The following CAMK1D variants were observed in gnomAD, a reference collection of about 807,000 sequenced individuals.
CAMK1D encodes calcium/calmodulin-dependent protein kinase type 1D.
Under a neutral mutation model 47.7 loss-of-function variants are expected in CAMK1D, and 9 were observed. That is an observed-to-expected ratio of 0.19 (90% CI 0.11 to 0.33). The LOEUF (loss-of-function observed/expected upper bound fraction) is 0.33, where lower values mean the gene tolerates loss of function less well. Among genes scored for constraint, CAMK1D ranks in the 10% least tolerant of loss-of-function variants. CAMK1D has a pLI of 1.00. For synonymous variants in CAMK1D, 184 were observed against 184.9 expected, an observed-to-expected ratio of 0.99 and a Z score of 0.04; for missense variants, 291 against 488.7, an observed-to-expected ratio of 0.60 and a Z score of 3.81.
At chr10:12,500,933 A>G (rs991249956) in intron 1 of CAMK1D, among the ~76,000 whole-genome samples, 3 of 152,202 alleles carry the variant, frequency 2.0e-5, no homozygotes, top group Non-Finnish European at 2.9e-5. Flanking sequence ...CAGCCTCACA[A>G]TCACCTCCTG....
At chr10:12,593,723 TC>T (rs1202334326) in intron 2 of CAMK1D, among the ~76,000 whole-genome samples, 5 of 152,096 alleles carry the variant, frequency 3.3e-5, no homozygotes, top group Non-Finnish European at 1.5e-5. Flanking sequence ...CAAAATACCA[TC>T]CCCCGTGGCC....
At chr10:12,699,008 A>C (rs1007915575) in intron 3 of CAMK1D, among the ~76,000 whole-genome samples, 2 of 151,984 alleles carry the variant, frequency 1.3e-5, no homozygotes, top group Non-Finnish European at 2.9e-5. Flanking sequence ...AGTAAAAAGA[A>C]ATCAGAAGGA....
rs559156496 is a variant in CAMK1D, at chr10:12,816,231, G to A, written c.755-19G>A. 30 of 1,610,270 alleles carry A rather than the reference G, an allele frequency of 1.9e-5. No homozygotes were observed. In the African/African-American group the frequency reaches 3.2e-4, roughly 17 times the overall value. On this transcript the variant is annotated intron_variant, in intron 7 of 10. Coordinates refer to ENST00000619168, the MANE Select transcript of CAMK1D (RefSeq NM_153498.4). ...AAGTCGCAAAGTGATTCCTTCCCTT[G>A]TGCCTTCTTTTTGAACAGCAAAAGA...
chr10:12,798,145 G>A (rs879699103), intron 6 of CAMK1D, among the ~76,000 whole-genome samples: 7 of 152,212 alleles, frequency 4.6e-5, no homozygotes, highest in Admixed American at 3.9e-4. Context: ...CCTGAATGGC[G>A]TGGCTTCAGG....
rs143260005 is a variant in CAMK1D, at chr10:12,528,413, A to G, written c.93-24812A>G. 3.9e-5 allele frequency among the ~76,000 whole-genome samples: 6 copies of G among 152,384 alleles called. 1 individual carries two copies. In the East Asian group the frequency reaches 1.2e-3, roughly 29 times the overall value. Reference sequence around the variant, plus strand: ...ATTATATTCATTCTGCATGTAGGAAATCTGAGAAAAGCCAGGTGACTTGCA... The same window carrying G: ...ATTATATTCATTCTGCATGTAGGAAGTCTGAGAAAAGCCAGGTGACTTGCA... On this transcript the variant is annotated intron_variant, in intron 1 of 10. Coordinates refer to ENST00000619168, the MANE Select transcript of CAMK1D (RefSeq NM_153498.4).
chr10:12,608,399 C>T (rs374429916), intron 2 of CAMK1D, among the ~76,000 whole-genome samples: 1 of 152,182 alleles, frequency 6.6e-6, no homozygotes, highest in South Asian at 2.1e-4. Flanking sequence ...GCCTGGGCAA[C>T]AAGAGTGAAA....
chr10:12,626,475 C>CTTTTTT (rs35033817), intron 2 of CAMK1D, among the ~76,000 whole-genome samples: 4 of 136,294 alleles, frequency 2.9e-5, no homozygotes, highest in Non-Finnish European at 6.3e-5. Context: ...TTCTTTCTTT[C>CTTTTTT]TTTTTTTTTT....
intron 3 of CAMK1D, among the ~76,000 whole-genome samples, chr10:12,722,992 G>A (rs1167693011): frequency 6.6e-6 from 1 of 152,156 alleles, no homozygotes; most frequent in Non-Finnish European, 1.5e-5. Flanking sequence ...GAATTTGAGT[G>A]TAGATGGGAA....
chr10:12,508,402 A>C (rs1302707790), intron 1 of CAMK1D, among the ~76,000 whole-genome samples: 1 of 152,232 alleles, frequency 6.6e-6, no homozygotes, highest in Non-Finnish European at 1.5e-5. Context: ...CCAGACACAA[A>C]AGGACAAATG....
In CAMK1D at chr10:12,659,166, G is replaced by C. The variant is rs143198649; in HGVS notation, c.225-7570G>C. ...AGCCAGTCCCCCTGTCGCACACCCT[G>C]CAAGTGGGATAAGGGAACTTTTCCC... On this transcript the variant is annotated intron_variant, in intron 2 of 10. Coordinates refer to ENST00000619168, the MANE Select transcript of CAMK1D (RefSeq NM_153498.4). 1.5e-3 allele frequency among the ~76,000 whole-genome samples: 235 copies of C among 152,316 alleles called. 1 individual carries two copies. The highest frequency in any genetic ancestry group is 5.4e-3 in the African/African-American group (224 of 41,556).
intron 9 of CAMK1D, 116 bp from the exon 10 acceptor site, chr10:12,825,457 G>A: frequency 1.0e-6 from 1 of 961,368 alleles, no homozygotes; most frequent in Non-Finnish European, 1.5e-6. Flanking sequence ...AGTAGCATGA[G>A]AATGATGTAA....
chr10:12,444,827 T>C (rs1040603937), intron 1 of CAMK1D, among the ~76,000 whole-genome samples: 6 of 152,122 alleles, frequency 3.9e-5, no homozygotes, highest in Non-Finnish European at 2.9e-5. Flanking sequence ...AGGTTTTTAT[T>C]ATGCAGATGA....
At chr10:12,480,722 C>G (rs1345074731) in intron 1 of CAMK1D, among the ~76,000 whole-genome samples, 1 of 152,166 alleles carries the variant, frequency 6.6e-6, no homozygotes, top group Non-Finnish European at 1.5e-5. Context: ...ACTAGGATCC[C>G]CACTTAGGCT....
At chr10:12,546,996 A>G (rs1836398991) in intron 1 of CAMK1D, among the ~76,000 whole-genome samples, 1 of 152,224 alleles carries the variant, frequency 6.6e-6, no homozygotes, top group Non-Finnish European at 1.5e-5. Flanking sequence ...TTAGGAGGCC[A>G]TCAAAGGACC....
chr10:12,499,349 A>G (rs1834633794), intron 1 of CAMK1D, among the ~76,000 whole-genome samples: 1 of 152,042 alleles, frequency 6.6e-6, no homozygotes, highest in Non-Finnish European at 1.5e-5. Context: ...TCTGGTAAGA[A>G]TCCTGCTTTG....
At chr10:12,388,119 C>T (rs78954374) in intron 1 of CAMK1D, among the ~76,000 whole-genome samples, 108 of 152,260 alleles carry the variant, frequency 7.1e-4, no homozygotes, top group African/African-American at 2.5e-3. Flanking sequence ...GAAATGCGCT[C>T]ACCAAAGAAG....
chr10:12,432,330 T>A (rs569869382), intron 1 of CAMK1D, among the ~76,000 whole-genome samples: 106 of 152,366 alleles, frequency 7.0e-4, no homozygotes, highest in African/African-American at 2.4e-3. Context: ...TAGTCCAAGG[T>A]TTATTTGTCT....
intron 1 of CAMK1D, among the ~76,000 whole-genome samples, chr10:12,455,375 T>C (rs748784829): frequency 2.0e-4 from 30 of 152,300 alleles, no homozygotes; most frequent in Non-Finnish European, 4.3e-4. Context: ...GGTTTTGCCA[T>C]GTGGCCCAGG....
chr10:12,814,832 G>A (rs1249687041), intron 7 of CAMK1D, among the ~76,000 whole-genome samples: 1 of 152,156 alleles, frequency 6.6e-6, no homozygotes, highest in Non-Finnish European at 1.5e-5. Flanking sequence ...CTACATATTT[G>A]CGTTTGACTT....
Sources: gnomAD v4.1 joint callset for allele counts (sites outside exome capture counted in the v4.1 genomes callset) on GRCh38, gnomAD v4.1.1 for gene constraint, MANE v1.5 for transcripts, NCBI Gene and HGNC (gene_info 2026-07-23, HGNC 2026-07-21) for gene names.